The following COL26A1 variants were observed in gnomAD, a reference collection of about 807,000 sequenced individuals.
The protein encoded by COL26A1 is collagen alpha-1(XXVI) chain.
In COL26A1, 41 loss-of-function variants were observed where a neutral mutation model predicts 59.3. The observed-to-expected ratio is 0.69, with a 90% CI of 0.54 to 0.90. The LOEUF is 0.90. COL26A1 is among the 40% of genes least tolerant of loss of function. The pLI is 0.00. For missense variants in COL26A1, 612 were observed against 602.3 expected (o/e 1.02, Z -0.17); for synonymous variants, 266 against 256.0 (o/e 1.04, Z -0.37).
In COL26A1 at chr7:101,466,843, A is replaced by T. The variant is rs970995008; in HGVS notation, c.385+19056A>T. Among the ~76,000 whole-genome samples the T allele has an allele frequency of 7.7e-3, 679 of 88,046 alleles. 6 individuals are homozygous for T. The highest frequency in any genetic ancestry group is 0.025 in the African/African-American group (617 of 25,034). 57.8% of individuals were successfully genotyped at this position (88,046 alleles called of 152,430 possible). On this transcript the variant is annotated intron_variant, in intron 3 of 12. Transcript: ENST00000313669. ...GTGTGTGTGTGTGTGTGTGTGAGAG[A>T]GAGAGATTCAGTCTCTGCCTTTTCA...
chr7:101,553,367 C>T lies in COL26A1; in HGVS notation c.1071C>T (p.Ala357=). The change falls in exon 11 of 13, where the codon GCC becomes GCT. Residue 357 remains alanine (A), a synonymous_variant. Transcript: ENST00000313669. ...AGGGGGAAGAAGGAGAGAAAGCCGCCACTGCAGAGGTAACCATGGCTGCCC... is the reference window on the plus strand; with the variant it reads ...AGGGGGAAGAAGGAGAGAAAGCCGCTACTGCAGAGGTAACCATGGCTGCCC... The part of the protein sequence containing the change: ...GVKGEEGEKA[A]TAEGEGVQQL... 1.2e-6 allele frequency: 2 copies of T among 1,613,778 alleles called. No homozygotes were observed. Among genetic ancestry groups the T allele is most frequent in the Non-Finnish European group, 1.7e-6 (2 of 1,179,786 alleles).
At chr7:101,377,346 G>A (rs753026280) in intron 1 of COL26A1, among the ~76,000 whole-genome samples, 2 of 152,084 alleles carry the variant, frequency 1.3e-5, no homozygotes, top group African/African-American at 2.4e-5. Flanking sequence ...GACAGTGTGA[G>A]AGCAGAAGGG....
chr7:101,468,541 C>G (rs896932340), intron 3 of COL26A1, among the ~76,000 whole-genome samples: 2 of 152,168 alleles, frequency 1.3e-5, no homozygotes, highest in Admixed American at 6.5e-5. Flanking sequence ...TGCCGCCAAG[C>G]AAGGCCTCCG....
At chr7:101,476,135 C>A (rs1365056167) in intron 3 of COL26A1, among the ~76,000 whole-genome samples, 1 of 144,584 alleles carries the variant, frequency 6.9e-6, no homozygotes, top group East Asian at 2.0e-4. Flanking sequence ...CCACCACTCC[C>A]AGCTAATTGT....
intron 2 of COL26A1, among the ~76,000 whole-genome samples, chr7:101,427,640 GAC>G (rs1584398710): frequency 6.7e-6 from 1 of 148,626 alleles, no homozygotes; most frequent in African/African-American, 2.5e-5. Flanking sequence ...CAGCCTGGGT[GAC>G]AGAGTGAAAC....
chr7:101,500,660 A>C (rs1021810314), intron 3 of COL26A1, among the ~76,000 whole-genome samples: 2 of 151,584 alleles, frequency 1.3e-5, no homozygotes, highest in African/African-American at 2.4e-5. Context: ...CCTAAAAAAA[A>C]CCCCACAAAA....
At chr7:101,443,172 C>G (rs553051766) in intron 2 of COL26A1, among the ~76,000 whole-genome samples, 2 of 152,284 alleles carry the variant, frequency 1.3e-5, no homozygotes, top group South Asian at 2.1e-4. Context: ...TCTGCCACCT[C>G]TTTCCAACCC....
chr7:101,538,521 A>G (rs1795532070), intron 4 of COL26A1, among the ~76,000 whole-genome samples: 1 of 152,138 alleles, frequency 6.6e-6, no homozygotes, highest in African/African-American at 2.4e-5. Context: ...TCCCAGTTTC[A>G]TGGACCCTTC....
intron 1 of COL26A1, among the ~76,000 whole-genome samples, chr7:101,408,205 G>A (rs1262427099): frequency 6.6e-6 from 1 of 152,194 alleles, no homozygotes; most frequent in African/African-American, 2.4e-5. Context: ...ATTAGGGATG[G>A]CTTTTAGGAT....
At chr7:101,459,381 C>G (rs540480744) in intron 3 of COL26A1, among the ~76,000 whole-genome samples, 139 of 152,264 alleles carry the variant, frequency 9.1e-4, no homozygotes, top group South Asian at 1.9e-3. Flanking sequence ...CTCACTACAA[C>G]CTCTGCCTCC....
chr7:101,443,152 G>A (rs541083768), intron 2 of COL26A1, among the ~76,000 whole-genome samples: 1 of 152,182 alleles, frequency 6.6e-6, no homozygotes, highest in Non-Finnish European at 1.5e-5. Context: ...GGTGACCTTG[G>A]AACTAAGGCT....
intron 3 of COL26A1, among the ~76,000 whole-genome samples, chr7:101,473,649 CACACAA>C (rs1279044123): frequency 1.5e-4 from 16 of 103,972 alleles, no homozygotes; most frequent in African/African-American, 4.8e-4. Flanking sequence ...CACACACACA[CACACAA>C]ACACACACAA....
intron 1 of COL26A1, among the ~76,000 whole-genome samples, chr7:101,400,353 A>ATTT (rs574852983): frequency 8.2e-5 from 8 of 97,254 alleles, no homozygotes; most frequent in African/African-American, 1.8e-4. Flanking sequence ...TTTTTTTCCT[A>ATTT]TTTTTTTTTT....
chr7:101,418,325 G>GC (rs1298351675), intron 1 of COL26A1, among the ~76,000 whole-genome samples: 1 of 151,960 alleles, frequency 6.6e-6, no homozygotes, highest in East Asian at 1.9e-4. Context: ...CCTAGCTTCA[G>GC]CCCCGGTCCT....
chr7:101,474,663 G>A (rs1408059216), intron 3 of COL26A1, among the ~76,000 whole-genome samples: 1 of 152,152 alleles, frequency 6.6e-6, no homozygotes, highest in African/African-American at 2.4e-5. Flanking sequence ...AAAGGCCTCT[G>A]CATGATGGTA....
intron 1 of COL26A1, among the ~76,000 whole-genome samples, chr7:101,397,116 G>A (rs1791873445): frequency 6.6e-6 from 1 of 152,204 alleles, no homozygotes. Context: ...TGACCTCCCT[G>A]TCCCTCCCCG....
At chr7:101,447,864 C>A in intron 3 of COL26A1, 77 bp downstream of exon 3, 1 of 840,548 alleles carries the variant, frequency 1.2e-6, no homozygotes, top group Non-Finnish European at 2.0e-6. Flanking sequence ...TGGCCTCCTC[C>A]TGCAAGCAGC....
intron 3 of COL26A1, among the ~76,000 whole-genome samples, chr7:101,484,776 C>A (rs1381652155): frequency 6.6e-6 from 1 of 152,054 alleles, no homozygotes; most frequent in Non-Finnish European, 1.5e-5. Context: ...GATTCTCCTG[C>A]CTCAGCCTCC....
intron 3 of COL26A1, among the ~76,000 whole-genome samples, chr7:101,520,748 G>A (rs1298694881): frequency 6.6e-6 from 1 of 151,138 alleles, no homozygotes; most frequent in Non-Finnish European, 1.5e-5. Flanking sequence ...TCCTTCCCCA[G>A]CAGCAGGGCC....
Sources: gnomAD v4.1 joint callset for allele counts (sites outside exome capture counted in the v4.1 genomes callset) on GRCh38, gnomAD v4.1.1 for gene constraint, MANE v1.5 for transcripts, NCBI Gene and HGNC (gene_info 2026-07-23, HGNC 2026-07-21) for gene names.